The following HEATR4 variants were observed in gnomAD, a reference collection of about 807,000 sequenced individuals.
HEATR4 encodes HEAT repeat containing 4, also known as HEAT repeat-containing protein 4.
Under a neutral mutation model 108.8 loss-of-function variants are expected in HEATR4, and 95 were observed. That is an observed-to-expected ratio of 0.87 (90% CI 0.74 to 1.04). HEATR4 has a LOEUF of 1.04. Among genes scored for constraint, HEATR4 ranks in the 50% least tolerant of loss-of-function variants. HEATR4 has a pLI of 0.00. For synonymous variants in HEATR4, 443 were observed against 459.4 expected (o/e 0.96, Z 0.46); for missense variants, 1,152 against 1,253.8 (o/e 0.92, Z 1.23).
At chr14:73,628,009 A>G in the HEATR4 span, among the ~76,000 whole-genome samples, 2 of 152,156 alleles carry the variant, frequency 1.3e-5, no homozygotes, top group South Asian at 2.1e-4. Flanking sequence ...GAGTCTTGCT[A>G]TGTTAGCCAG....
chr14:73,480,662 A>G (rs1885213441), intron 17 of HEATR4, among the ~76,000 whole-genome samples: 1 of 152,184 alleles, frequency 6.6e-6, no homozygotes, highest in Admixed American at 6.6e-5. Flanking sequence ...AGCAACCAAG[A>G]TGTCTTTCAA....
the HEATR4 span, among the ~76,000 whole-genome samples, chr14:73,621,308 T>C: frequency 1.3e-5 from 2 of 152,170 alleles, no homozygotes; most frequent in African/African-American, 2.4e-5. Context: ...TCCCAGTCAC[T>C]ATATGGTCAT....
the HEATR4 span, among the ~76,000 whole-genome samples, chr14:73,608,539 A>T: frequency 6.6e-6 from 1 of 152,218 alleles, no homozygotes; most frequent in Admixed American, 6.5e-5. Context: ...AGGAAGTTCC[A>T]AACTTTCTCA....
the HEATR4 span, chr14:73,571,699 C>A: frequency 6.6e-6 from 1 of 151,890 alleles, no homozygotes; most frequent in Non-Finnish European, 1.5e-5. Flanking sequence ...GTGCTCATCG[C>A]TGCCGGGGCA....
chr14:73,536,589 A>G (rs1888870555), intron 1 of HEATR4, among the ~76,000 whole-genome samples: 1 of 112,022 alleles, frequency 8.9e-6, no homozygotes, highest in African/African-American at 2.9e-5. Context: ...AGAAACCAGT[A>G]TAAGAAAATA....
Position 73,498,205 on chromosome 14 carries a change from C to G in HEATR4, c.2496G>C (p.Arg832Ser), listed in dbSNP as rs1463861955. ...LALKLQGDRV[R>S]DTFLDVLLLE... ...GGAGCAGCACGTCTAGGAAGGTGTC[C>G]CTGACCCGGTCCCCTTGAAGTTTCA... Residue 832 changes from arginine to serine, a missense_variant, in exon 14 of 18, where the codon AGG (arginine) becomes AGC (serine). By Grantham distance (110) the Arg-to-Ser change is moderately radical (BLOSUM62 -1). Coordinates refer to ENST00000553558, the MANE Select transcript of HEATR4 (RefSeq NM_001220484.1). 2 of 1,613,914 alleles carry G rather than the reference C, an allele frequency of 1.2e-6. No homozygotes were observed. The highest frequency in any genetic ancestry group is 1.7e-6 in the Non-Finnish European group (2 of 1,179,944).
chr14:73,506,804 G>GTTTTTTTTTTTTTTTTTTTTTTTTTTT lies in HEATR4; in HGVS notation c.1882-234_1882-233insAAAAAAAAAAAAAAAAAAAAAAAAAAA, dbSNP rs34660727. Among the ~76,000 whole-genome samples, 21 of 80,516 alleles carry GTTTTTTTTTTTTTTTTTTTTTTTTTTT rather than the reference G, an allele frequency of 2.6e-4. 4 individuals are homozygous for GTTTTTTTTTTTTTTTTTTTTTTTTTTT. Among genetic ancestry groups the GTTTTTTTTTTTTTTTTTTTTTTTTTTT allele is most frequent in the East Asian group, 5.8e-4 (1 of 1,738 alleles). The allele number at this position is 80,516 out of a possible 152,430, so 52.8% of individuals were successfully genotyped here. On this transcript the variant is annotated intron_variant, in intron 9 of 17. Coordinates refer to ENST00000553558, the MANE Select transcript of HEATR4 (RefSeq NM_001220484.1). The stretch of plus-strand genomic sequence containing the variant: ...GGACCTTCCTTTCCTGACTTTAACT[G>GTTTTTTTTTTTTTTTTTTTTTTTTTTT]TTTTTTTTTTTTTTTTTTTTTCTGA...
chr14:73,575,560 A>G, the HEATR4 span: 1 of 1,539,012 alleles, frequency 6.5e-7, no homozygotes, highest in East Asian at 2.3e-5. Context: ...TCTCCTGGAA[A>G]CATCTGCCAC....
the HEATR4 span, among the ~76,000 whole-genome samples, chr14:73,588,301 A>G: frequency 6.6e-6 from 1 of 151,934 alleles, no homozygotes; most frequent in Non-Finnish European, 1.5e-5. Flanking sequence ...AGCCCGGCCT[A>G]TCTCTCTAAA....
At chr14:73,524,310 A>T (rs10146282) in intron 2 of HEATR4, among the ~76,000 whole-genome samples, 9,221 of 53,858 alleles carry the variant, frequency 0.17, 837 homozygotes, top group Middle Eastern at 0.38. Flanking sequence ...AAAAAAAAAA[A>T]ATATATATAT....
chr14:73,590,642 C>T, the HEATR4 span, among the ~76,000 whole-genome samples: 1 of 152,304 alleles, frequency 6.6e-6, no homozygotes, highest in East Asian at 1.9e-4. Flanking sequence ...GCAGCTAAGG[C>T]CCGCTGAGAA....
At chr14:73,629,057 A>C in the HEATR4 span, among the ~76,000 whole-genome samples, 147 of 44,766 alleles carry the variant, frequency 3.3e-3, 4 homozygotes, top group South Asian at 0.11. Flanking sequence ...GTATGTTCCC[A>C]AAAAAAAAAA....
At position 73,550,206 on chromosome 14, in the gene HEATR4, T is replaced by C. The variant is rs143433140; in HGVS notation, c.-152+8545A>G. 3.9e-3 allele frequency among the ~76,000 whole-genome samples: 448 copies of C among 113,868 alleles called. 94 individuals are homozygous for C. Among genetic ancestry groups the C allele is most frequent in the African/African-American group, 0.012 (432 of 34,964 alleles). 74.7% of individuals were successfully genotyped at this position (113,868 alleles called of 152,430 possible). On this transcript the variant is annotated intron_variant, in intron 1 of 17. Coordinates refer to ENST00000553558, the MANE Select transcript of HEATR4 (RefSeq NM_001220484.1). The stretch of plus-strand genomic sequence containing the variant: ...TTGAGATATTCTTTCAGGTCCTGCA[T>C]AGCAATGAAACTGAGGCAGGATAGG...
At chr14:73,569,847 G>C in the HEATR4 span, 2 of 1,604,566 alleles carry the variant, frequency 1.2e-6, no homozygotes, top group Non-Finnish European at 1.7e-6. Context: ...GCCGGTGCGC[G>C]TGGGCCGGGT....
intron 17 of HEATR4, among the ~76,000 whole-genome samples, chr14:73,489,869 G>T (rs1885605677): frequency 6.6e-6 from 1 of 152,212 alleles, no homozygotes; most frequent in Non-Finnish European, 1.5e-5. Flanking sequence ...AAGAGGGAGA[G>T]AAGTTAGGTG....
chr14:73,568,263 C>T, the HEATR4 span: 1 of 151,804 alleles, frequency 6.6e-6, no homozygotes, highest in Admixed American at 6.6e-5. Flanking sequence ...GGTTTGAAGC[C>T]TACACATTTA....
the HEATR4 span, among the ~76,000 whole-genome samples, chr14:73,624,540 T>C: frequency 1.6e-4 from 24 of 152,258 alleles, no homozygotes; most frequent in East Asian, 3.5e-3. Context: ...AGGACAAGGC[T>C]ACAGTGAACC....
the HEATR4 span, among the ~76,000 whole-genome samples, chr14:73,607,015 A>C: frequency 6.6e-6 from 1 of 152,200 alleles, no homozygotes; most frequent in Non-Finnish European, 1.5e-5. Flanking sequence ...TCTCAAGGTC[A>C]TAAAACAAGA....
the HEATR4 span, chr14:73,596,094 A>C: frequency 6.4e-6 from 1 of 156,054 alleles, no homozygotes; most frequent in African/African-American, 2.4e-5. Context: ...TTCATTATAA[A>C]CGTGAGAGAA....
Sources: gnomAD v4.1 joint callset for allele counts (sites outside exome capture counted in the v4.1 genomes callset) on GRCh38, gnomAD v4.1.1 for gene constraint, MANE v1.5 for transcripts, NCBI Gene and HGNC (gene_info 2026-07-23, HGNC 2026-07-21) for gene names.